Variants in XPR1 observed in about 807,000 individuals in gnomAD.
XPR1 encodes the protein xenotropic and polytropic retrovirus receptor 1.
In XPR1, 28 loss-of-function variants were observed where a neutral mutation model predicts 87.5. That is an observed-to-expected ratio of 0.32 (90% confidence interval 0.24 to 0.44). The LOEUF (loss-of-function observed/expected upper bound fraction) is 0.44, where lower values mean the gene tolerates loss of function less well. XPR1 is among the 20% of genes least tolerant of loss of function. The probability of loss-of-function intolerance (pLI) is 1.00; values close to 1 mark genes in which losing one functional copy is unlikely to be tolerated. For synonymous variants in XPR1, 300 were observed against 306.1 expected (o/e 0.98, Z 0.21); for missense variants, 559 against 862.3 (o/e 0.65, Z 4.41).
intron 12 of XPR1, among the ~76,000 whole-genome samples, chr1:180,866,636 T>C (rs924746245): frequency 6.6e-6 from 1 of 152,182 alleles, no homozygotes; most frequent in African/African-American, 2.4e-5. Context: ...TACCCAAAAA[T>C]TGCATTATCA....
intron 1 of XPR1, among the ~76,000 whole-genome samples, chr1:180,636,945 G>A (rs1242797779): frequency 2.0e-5 from 3 of 151,632 alleles, no homozygotes; most frequent in Non-Finnish European, 4.4e-5. Flanking sequence ...CCACCTACGC[G>A]GGAGACTGAG....
chr1:180,852,113 A>G (rs916231531), intron 11 of XPR1, among the ~76,000 whole-genome samples: 4 of 151,982 alleles, frequency 2.6e-5, no homozygotes, highest in African/African-American at 9.7e-5. Context: ...GTGCAATAAT[A>G]CTATATTATC....
chr1:180,824,213 A>G (rs902097883), intron 7 of XPR1, among the ~76,000 whole-genome samples: 3 of 152,200 alleles, frequency 2.0e-5, no homozygotes, highest in African/African-American at 7.2e-5. Context: ...GTTTTGGGAA[A>G]TTATTCTAGT....
intron 9 of XPR1, among the ~76,000 whole-genome samples, chr1:180,828,854 T>C (rs1044918637): frequency 9.2e-5 from 14 of 152,188 alleles, no homozygotes; most frequent in South Asian, 2.1e-4. Flanking sequence ...TAGTCACTTA[T>C]GTTAGATGTT....
chr1:180,758,778 T>G (rs1647864636), intron 2 of XPR1: 1 of 101,270 alleles, frequency 9.9e-6, no homozygotes, highest in Non-Finnish European at 2.2e-5. Flanking sequence ...AAGATTAGCA[T>G]GAGGATGACA....
chr1:180,699,982 T>C (rs1426379362), intron 2 of XPR1, among the ~76,000 whole-genome samples: 1 of 2,776 alleles, frequency 3.6e-4, no homozygotes, highest in Non-Finnish European at 8.4e-4. Flanking sequence ...TGAGCATTTC[T>C]TCATGTGTTT....
intron 1 of XPR1, among the ~76,000 whole-genome samples, chr1:180,648,258 C>G (rs777611737): frequency 6.6e-6 from 1 of 152,030 alleles, no homozygotes; most frequent in Non-Finnish European, 1.5e-5. Flanking sequence ...TTAGGATTTT[C>G]TGAGAATTTG....
At chr1:180,682,045 T>G (rs1656594784) in intron 1 of XPR1, among the ~76,000 whole-genome samples, 1 of 152,220 alleles carries the variant, frequency 6.6e-6, no homozygotes, top group Non-Finnish European at 1.5e-5. Context: ...TCTCTAGGAC[T>G]TTTGTTCTGT....
intron 2 of XPR1, among the ~76,000 whole-genome samples, chr1:180,688,139 C>T (rs1013412531): frequency 4.6e-5 from 7 of 150,810 alleles, no homozygotes; most frequent in Non-Finnish European, 8.9e-5. Flanking sequence ...CAACTTCCGC[C>T]TCCTGGGGGT....
intron 2 of XPR1, among the ~76,000 whole-genome samples, chr1:180,699,209 C>CTTT (rs1168669274): frequency 3.5e-4 from 47 of 132,514 alleles, no homozygotes; most frequent in Non-Finnish European, 5.0e-4. Flanking sequence ...TTTATTCTTT[C>CTTT]TTTTTTTTTT....
At chr1:180,822,820 A>T (rs1650686777) in intron 7 of XPR1, among the ~76,000 whole-genome samples, 1 of 152,214 alleles carries the variant, frequency 6.6e-6, no homozygotes, top group African/African-American at 2.4e-5. Flanking sequence ...TAGGATTTGA[A>T]ATCTGGTCTG....
At chr1:180,710,438 C>T (rs933367208) in intron 2 of XPR1, among the ~76,000 whole-genome samples, 5 of 152,102 alleles carry the variant, frequency 3.3e-5, no homozygotes, top group Non-Finnish European at 7.4e-5. Flanking sequence ...ATCTGTTTAA[C>T]AAAGCACATA....
In XPR1 at chr1:180,773,952, AC is replaced by A. The variant is rs1040753946; in HGVS notation, c.122-13800del. Among the ~76,000 whole-genome samples, 22 of 152,186 alleles carry A rather than the reference AC, an allele frequency of 1.4e-4. 1 individual carries two copies. The highest frequency in any genetic ancestry group is 4.4e-5 in the Non-Finnish European group (3 of 68,026). On this transcript the variant is annotated intron_variant, in intron 2 of 14. Coordinates refer to ENST00000367590, the MANE Select transcript of XPR1 (RefSeq NM_004736.4). ...TTCTATTTAAATATATAATCACTAA[AC>A]TTTTTTTAAAAATTGCATTTTCATA... is the stretch of plus-strand genomic sequence containing the variant.
chr1:180,656,584 T>C (rs1655529145), intron 1 of XPR1, among the ~76,000 whole-genome samples: 2 of 100,342 alleles, frequency 2.0e-5, no homozygotes, highest in Admixed American at 1.6e-4. Context: ...TATATGTATG[T>C]ATAATATATA....
chr1:180,697,844 G>A (rs1455690633), intron 2 of XPR1, among the ~76,000 whole-genome samples: 1 of 151,954 alleles, frequency 6.6e-6, no homozygotes, highest in Admixed American at 6.6e-5. Context: ...AAAAATTCTT[G>A]AGATTTGTTT....
chr1:180,811,234 A>G (rs760154127), intron 6 of XPR1, among the ~76,000 whole-genome samples, 173 bp from the exon 7 acceptor site: 17 of 152,182 alleles, frequency 1.1e-4, no homozygotes, highest in Non-Finnish European at 1.9e-4. Flanking sequence ...CAACTTGAAT[A>G]GTATTATAGG....
intron 1 of XPR1, among the ~76,000 whole-genome samples, chr1:180,664,108 A>C (rs1655877304): frequency 6.6e-6 from 1 of 152,162 alleles, no homozygotes; most frequent in Admixed American, 6.5e-5. Flanking sequence ...GGACCCCAAA[A>C]GCCTGCTTAG....
intron 2 of XPR1, among the ~76,000 whole-genome samples, chr1:180,719,856 C>T (rs1658120293): frequency 6.6e-6 from 1 of 152,102 alleles, no homozygotes; most frequent in Non-Finnish European, 1.5e-5. Context: ...AAGTTAGATG[C>T]TCTTAAGTAT....
chr1:180,876,954 G>GT (rs1421729601), intron 13 of XPR1, among the ~76,000 whole-genome samples: 1 of 152,172 alleles, frequency 6.6e-6, no homozygotes, highest in Non-Finnish European at 1.5e-5. Flanking sequence ...ACTGATGACA[G>GT]TTACACAGAA....
Sources: gnomAD v4.1 joint callset for allele counts (sites outside exome capture counted in the v4.1 genomes callset) on GRCh38, gnomAD v4.1.1 for gene constraint, MANE v1.5 for transcripts, NCBI Gene and HGNC (gene_info 2026-07-23, HGNC 2026-07-21) for gene names.